Variants in MID1 observed in about 807,000 individuals in gnomAD.
MID1 encodes the protein E3 ubiquitin-protein ligase Midline-1.
A neutral mutation model predicts 40.4 loss-of-function variants in MID1; 7 were observed. That is an observed-to-expected ratio of 0.17 (90% CI 0.10 to 0.33). The LOEUF (loss-of-function observed/expected upper bound fraction) is 0.33, where lower values mean the gene tolerates loss of function less well. MID1 is among the 10% of genes least tolerant of loss of function. The pLI is 1.00. For synonymous variants in MID1, 229 were observed against 221.2 expected, an observed-to-expected ratio of 1.04 and a Z score of -0.31; for missense variants, 367 against 558.5, an observed-to-expected ratio of 0.66 and a Z score of 3.46.
At position 10,751,971 on chromosome X, in the gene MID1, C is replaced by G. The variant is rs190831893; in HGVS notation, c.-187+81583G>C. Among the ~76,000 whole-genome samples the G allele has an allele frequency of 1.3e-3, 148 of 111,253 alleles. 1 individual carries two copies. The highest frequency in any genetic ancestry group is 4.7e-3 in the African/African-American group (144 of 30,606). ...TGTTTAAAACAGTCTGGGACCTCCC[C>G]CTTCTCTCTCTTGCTCCCTCTCTTG... On this transcript the variant is annotated intron_variant, in intron 1 of 10. Coordinates refer to the MID1 transcript ENST00000380785.
chrX:10,708,245 T>C (rs1471452890), intron 1 of MID1, among the ~76,000 whole-genome samples: 2 of 112,536 alleles, frequency 1.8e-5, no homozygotes, highest in African/African-American at 6.5e-5. Flanking sequence ...TTAAAATGTA[T>C]ATTCTATGAA....
chrX:10,609,842 A>C (rs1007114927), intron 1 of MID1, among the ~76,000 whole-genome samples: 12 of 106,466 alleles, frequency 1.1e-4, no homozygotes, highest in Non-Finnish European at 1.9e-4. Flanking sequence ...CTCAGCCTCT[A>C]GAGTAGCTGG....
intron 1 of MID1, among the ~76,000 whole-genome samples, chrX:10,613,724 T>TAGAG (rs1452004935): frequency 2.8e-4 from 15 of 54,485 alleles, no homozygotes; most frequent in Admixed American, 8.5e-4. Context: ...TATATATATA[T>TAGAG]ATATATATAG....
intron 1 of MID1, among the ~76,000 whole-genome samples, chrX:10,613,786 CAGACAGAG>C (rs1935793309): frequency 2.5e-5 from 2 of 80,279 alleles, no homozygotes; most frequent in African/African-American, 9.9e-5. Context: ...GACAGACAGA[CAGACAGAG>C]AGAGACTATG....
At chrX:10,746,258 G>A (rs988491648) in intron 1 of MID1, among the ~76,000 whole-genome samples, 2 of 111,432 alleles carry the variant, frequency 1.8e-5, no homozygotes, top group African/African-American at 6.5e-5. Context: ...ACCTTCTTCT[G>A]GAACAGACAT....
chrX:10,543,448 T>G (rs997097378), intron 2 of MID1, among the ~76,000 whole-genome samples: 1 of 111,919 alleles, frequency 8.9e-6, no homozygotes, highest in Non-Finnish European at 1.9e-5. Flanking sequence ...CTACCATTTA[T>G]TGAACACATA....
chrX:10,449,662 C>G lies in MID1; in HGVS notation c.1710G>C (p.Lys570Asn). Residue 570 changes from lysine to asparagine, a missense_variant, in exon 10 of 10, where the codon AAG becomes AAC. This residue lies in a region of MID1 where 275 missense variants were observed against 383.1 expected (regional missense o/e 0.72). Coordinates refer to ENST00000317552, the MANE Select transcript of MID1 (RefSeq NM_000381.4). The part of the protein sequence containing the change: ...KSAPKHEWIG[K>N]NSASWALCRC... ...GGCAGAGCGCCCAGGAAGCAGAGTT[C>G]TTCCCAATCCATTCATGCTTCGGGG... The G allele has an allele frequency of 8.3e-7, 1 of 1,211,791 alleles. No individual in the cohort carries two copies. The highest frequency in any genetic ancestry group is 2.3e-4 in the Middle Eastern group (1 of 4,355).
chrX:10,717,818 T>C (rs1401320829), intron 1 of MID1, among the ~76,000 whole-genome samples: 1 of 111,440 alleles, frequency 9.0e-6, no homozygotes, highest in African/African-American at 3.3e-5. Context: ...TCAGCAAATG[T>C]AAAAGAACAG....
chrX:10,692,179 A>T (rs1235437851), intron 1 of MID1, among the ~76,000 whole-genome samples: 1 of 111,084 alleles, frequency 9.0e-6, no homozygotes, highest in Non-Finnish European at 1.9e-5. Context: ...GATCTTTGTG[A>T]CTTACTTCCT....
chrX:10,633,534 A>G lies in MID1; in HGVS notation c.-186-13115T>C, dbSNP rs977267069. On this transcript the variant is annotated intron_variant, in intron 1 of 10. Coordinates refer to the MID1 transcript ENST00000380785. ...GTGATTATGGCTCACTGCAGCCTCA[A>G]TCAACCTCCCAGGCCCAAGCAATCC... Among the ~76,000 whole-genome samples the G allele has an allele frequency of 4.5e-5, 5 of 110,765 alleles. No individual in the cohort carries two copies. The South Asian group carries it at 1.6e-3, about 35-fold the overall frequency.
chrX:10,574,245 TGATGA>T (rs1401830070), intron 1 of MID1, among the ~76,000 whole-genome samples: 1 of 110,885 alleles, frequency 9.0e-6, no homozygotes, highest in African/African-American at 3.3e-5. Flanking sequence ...AGAGTCAGAA[TGATGA>T]GATATGACAA....
intron 1 of MID1, among the ~76,000 whole-genome samples, chrX:10,775,646 G>A (rs2043797291): frequency 9.0e-6 from 1 of 111,540 alleles, no homozygotes; most frequent in African/African-American, 3.3e-5. Flanking sequence ...TCAGACAGAG[G>A]TATTGTAAGA....
At chrX:10,538,516 C>CA (rs1933349946) in intron 2 of MID1, among the ~76,000 whole-genome samples, 1 of 111,035 alleles carries the variant, frequency 9.0e-6, no homozygotes, top group Non-Finnish European at 1.9e-5. Context: ...TCTCAAAACT[C>CA]CAAAATTTTT....
chrX:10,464,056 C>T (rs1291560558), intron 7 of MID1, among the ~76,000 whole-genome samples: 1 of 111,802 alleles, frequency 8.9e-6, no homozygotes, highest in East Asian at 2.8e-4. Flanking sequence ...TTGGTCAGCA[C>T]CAGCAGTTTC....
At chrX:10,662,847 G>A (rs1448663379) in intron 1 of MID1, among the ~76,000 whole-genome samples, 1 of 110,731 alleles carries the variant, frequency 9.0e-6, no homozygotes, top group Non-Finnish European at 1.9e-5. Flanking sequence ...GCATGTGAAT[G>A]GTGAGGTTGA....
At position 10,765,946 on chromosome X, in the gene MID1, A is replaced by AG. The variant is rs1387903736; in HGVS notation, c.-187+67607dup. ...AAGAAAGGAAAGGAAAGGAAAGGAA[A>AG]GAAAGAAAGAAAGAAAGAAAGAAAG... On this transcript the variant is annotated intron_variant, in intron 1 of 10. Coordinates refer to the MID1 transcript ENST00000380785. 5.1e-3 allele frequency among the ~76,000 whole-genome samples: 67 copies of AG among 13,112 alleles called. 1 individual carries two copies. The highest frequency in any genetic ancestry group is 0.036 in the Middle Eastern group (1 of 28). 11.4% of individuals were successfully genotyped at this position (13,112 alleles called of 115,157 possible). A position where few individuals can be genotyped will look rare whatever the true frequency, so the allele number is the denominator to read the frequency against.
chrX:10,683,370 C>T (rs1349238143), intron 1 of MID1, among the ~76,000 whole-genome samples: 2 of 110,158 alleles, frequency 1.8e-5, no homozygotes, highest in African/African-American at 6.6e-5. Context: ...TATAGTGAGC[C>T]CTGTCTCTAC....
intron 1 of MID1, among the ~76,000 whole-genome samples, chrX:10,694,543 C>A (rs2043149847): frequency 8.9e-6 from 1 of 111,856 alleles, no homozygotes; most frequent in African/African-American, 3.3e-5. Context: ...CCTCTCCAAC[C>A]ATTTTTTTCC....
intron 1 of MID1, among the ~76,000 whole-genome samples, chrX:10,822,043 C>A (rs1311662615): frequency 9.1e-6 from 1 of 109,830 alleles, no homozygotes; most frequent in African/African-American, 3.3e-5. Flanking sequence ...CCTGACCTCT[C>A]TGGTCTTCCA....
Sources: gnomAD v4.1 joint callset for allele counts (sites outside exome capture counted in the v4.1 genomes callset) on GRCh38, gnomAD v4.1.1 for gene constraint, gnomAD v4.1.1 regional missense constraint, MANE v1.5 for transcripts, NCBI Gene and HGNC (gene_info 2026-07-23, HGNC 2026-07-21) for gene names.